The following GALNTL6 variants were observed in gnomAD, a reference collection of about 807,000 sequenced individuals.
GALNTL6 encodes polypeptide N-acetylgalactosaminyltransferase like 6.
A neutral mutation model predicts 73.7 loss-of-function variants in GALNTL6; 46 were observed. The ratio of observed to expected loss-of-function variants is 0.62; its 90% confidence interval spans 0.49 to 0.80. The LOEUF (loss-of-function observed/expected upper bound fraction) is 0.80. Ranked by LOEUF, GALNTL6 falls within the 30% of genes least tolerant of loss-of-function variation. The pLI, the probability that GALNTL6 is intolerant of heterozygous loss-of-function variation, is 0.00. For synonymous variants in GALNTL6, 259 were observed against 263.7 expected, an observed-to-expected ratio of 0.98 and a Z score of 0.17; for missense variants, 604 against 755.0, an observed-to-expected ratio of 0.80 and a Z score of 2.34.
chr4:172,522,313 C>A (rs928318187), intron 5 of GALNTL6, among the ~76,000 whole-genome samples: 2 of 152,038 alleles, frequency 1.3e-5, no homozygotes, highest in African/African-American at 4.8e-5. Context: ...TATTTGCATT[C>A]TCTTAGTTGA....
At chr4:172,294,716 T>A (rs1269363212) in intron 3 of GALNTL6, among the ~76,000 whole-genome samples, 1 of 152,204 alleles carries the variant, frequency 6.6e-6, no homozygotes, top group African/African-American at 2.4e-5. Context: ...TATTTGCTAA[T>A]GGTGAATGAA....
chr4:172,136,048 T>C (rs1194058122), intron 2 of GALNTL6, among the ~76,000 whole-genome samples: 2 of 152,164 alleles, frequency 1.3e-5, no homozygotes, highest in African/African-American at 4.8e-5. Flanking sequence ...ATAATTTCAG[T>C]TTCTAATGCT....
chr4:172,806,296 C>T (rs1175931821), intron 5 of GALNTL6, among the ~76,000 whole-genome samples: 1 of 152,122 alleles, frequency 6.6e-6, no homozygotes, highest in Non-Finnish European at 1.5e-5. Flanking sequence ...ATTGAAGGGT[C>T]AAACCCCTTA....
At chr4:172,913,998 T>C (rs1258897877) in intron 8 of GALNTL6, among the ~76,000 whole-genome samples, 7 of 152,038 alleles carry the variant, frequency 4.6e-5, no homozygotes, top group Non-Finnish European at 2.9e-5. Context: ...GAGAGAAAGG[T>C]CAGGTTACCC....
rs201314253 is a variant in GALNTL6, at chr4:172,417,172, A to ATGTG, written c.553+68502_553+68505dup. On this transcript the variant is annotated intron_variant, in intron 5 of 12. Transcript: ENST00000506823. ...ACTCTGATTCTCCTTCTGTTGCTTTATGTGTGTGTGTGTGTGTGTGTGAAC... is the reference window on the plus strand; with the variant it reads ...ACTCTGATTCTCCTTCTGTTGCTTTATGTGTGTGTGTGTGTGTGTGTGTGTGAAC... Among the ~76,000 whole-genome samples, 532 of 149,000 alleles carry ATGTG rather than the reference A, an allele frequency of 3.6e-3. 3 individuals carry two copies. Among genetic ancestry groups the ATGTG allele is most frequent in the South Asian group, 0.017 (78 of 4,698 alleles).
At chr4:172,069,584 T>TATATTTTATATATATA (rs1731484052) in intron 2 of GALNTL6, among the ~76,000 whole-genome samples, 1 of 13,774 alleles carries the variant, frequency 7.3e-5, no homozygotes, top group Non-Finnish European at 4.2e-4. Flanking sequence ...TGTTATATAT[T>TATATTTTATATATATA]ATATATATAA....
At chr4:172,979,950 T>C (rs1001185431) in intron 10 of GALNTL6, among the ~76,000 whole-genome samples, 9 of 152,226 alleles carry the variant, frequency 5.9e-5, no homozygotes, top group African/African-American at 1.9e-4. Context: ...CCTAAGACAA[T>C]TATGCACCAT....
chr4:172,731,793 C>T (rs906840029), intron 5 of GALNTL6, among the ~76,000 whole-genome samples: 11 of 151,972 alleles, frequency 7.2e-5, no homozygotes, highest in African/African-American at 2.7e-4. Context: ...ATTTTATTGA[C>T]CCATTGGTCA....
At chr4:172,165,374 A>C (rs1734589583) in intron 2 of GALNTL6, among the ~76,000 whole-genome samples, 2 of 152,148 alleles carry the variant, frequency 1.3e-5, no homozygotes, top group African/African-American at 4.8e-5. Context: ...TAAGAAGTAC[A>C]CTAGAAGCAG....
At chr4:172,636,855 T>C (rs1200216924) in intron 5 of GALNTL6, among the ~76,000 whole-genome samples, 2 of 152,310 alleles carry the variant, frequency 1.3e-5, no homozygotes, top group Non-Finnish European at 2.9e-5. Flanking sequence ...CTGACAGATA[T>C]TAAAGAACAT....
chr4:172,159,250 T>C (rs2110785745), intron 2 of GALNTL6, among the ~76,000 whole-genome samples: 1 of 152,252 alleles, frequency 6.6e-6, no homozygotes, highest in African/African-American at 2.4e-5. Flanking sequence ...ACTGGTACAA[T>C]GTATGAGATG....
In GALNTL6 at chr4:172,065,946, T is replaced by G. The variant is rs569013480; in HGVS notation, c.139-163710T>G. 3.3e-4 allele frequency among the ~76,000 whole-genome samples: 50 copies of G among 152,174 alleles called. 1 individual carries two copies. The highest frequency in any genetic ancestry group is 6.8e-4 in the Non-Finnish European group (46 of 68,034). ...CCCCATAATTCAAATTATCTCCACC[T>G]GGTCCCACCCTTGACATGTGAGGAT... On this transcript the variant is annotated intron_variant, in intron 2 of 12. Coordinates refer to ENST00000506823, the MANE Select transcript of GALNTL6 (RefSeq NM_001034845.3).
intron 2 of GALNTL6, among the ~76,000 whole-genome samples, chr4:171,839,303 T>C (rs1158183329): frequency 1.3e-5 from 2 of 152,140 alleles, no homozygotes; most frequent in South Asian, 2.1e-4. Context: ...AATTTGCATA[T>C]GATGCTACAA....
intron 3 of GALNTL6, among the ~76,000 whole-genome samples, chr4:172,248,132 T>G (rs112006730): frequency 3.3e-5 from 5 of 152,210 alleles, no homozygotes; most frequent in Admixed American, 2.6e-4. Context: ...ACAGTAACAA[T>G]GTGTTACTTG....
chr4:171,890,828 G>A (rs1333097253), intron 2 of GALNTL6, among the ~76,000 whole-genome samples: 1 of 152,050 alleles, frequency 6.6e-6, no homozygotes, highest in African/African-American at 2.4e-5. Context: ...AGGGGTGGAG[G>A]TCCCATACAA....
rs185850640 is a variant in GALNTL6, at chr4:172,269,412, A to G, written c.247+39648A>G. On this transcript the variant is annotated intron_variant, in intron 3 of 12. Transcript: ENST00000506823. ...GCACTTCTGCACTTTGCTGATGCTG[A>G]AAGAATAGATGGCAAGTTATTCCAG... Among the ~76,000 whole-genome samples, 148 of 152,322 alleles carry G rather than the reference A, an allele frequency of 9.7e-4. 2 individuals carry two copies. Among genetic ancestry groups the G allele is most frequent in the Admixed American group, 4.6e-4 (7 of 15,296 alleles).
At chr4:172,536,085 G>T (rs1735336868) in intron 5 of GALNTL6, among the ~76,000 whole-genome samples, 1 of 152,110 alleles carries the variant, frequency 6.6e-6, no homozygotes, top group Admixed American at 6.5e-5. Context: ...GCTTCGCTCT[G>T]CACTTCTCTC....
chr4:172,568,763 A>AAAAC (rs1356873519), intron 5 of GALNTL6, among the ~76,000 whole-genome samples: 1 of 149,822 alleles, frequency 6.7e-6, no homozygotes, highest in East Asian at 1.9e-4. Context: ...ATCTCAAAAA[A>AAAAC]AAAAAAAAAA....
chr4:172,324,163 T>C (rs1740860402), intron 4 of GALNTL6, among the ~76,000 whole-genome samples: 1 of 152,000 alleles, frequency 6.6e-6, no homozygotes, highest in East Asian at 1.9e-4. Context: ...TATGTATTCA[T>C]TTTAATCTGA....
Sources: allele counts gnomAD v4.1 joint callset (sites outside exome capture counted in the v4.1 genomes callset), GRCh38; gene constraint gnomAD v4.1.1; transcripts MANE v1.5; gene names NCBI Gene and HGNC (gene_info 2026-07-23, HGNC 2026-07-21).